GRK5: variants seen among roughly 807,000 people sequenced by gnomAD.
GRK5 encodes the protein g protein-coupled receptor kinase GRK5.
Under a neutral mutation model 78.4 loss-of-function variants are expected in GRK5, and 40 were observed. The ratio of observed to expected loss-of-function variants is 0.51; its 90% CI spans 0.40 to 0.66. The LOEUF is 0.66. Among genes scored for constraint, GRK5 ranks in the 30% least tolerant of loss-of-function variants. The pLI is 0.00. For synonymous variants in GRK5, 289 were observed against 296.8 expected (o/e 0.97, Z 0.27); for missense variants, 598 against 759.9 (o/e 0.79, Z 2.50).
chr10:119,385,831 G>A (rs1317672536), intron 3 of GRK5, among the ~76,000 whole-genome samples: 1 of 152,086 alleles, frequency 6.6e-6, no homozygotes, highest in African/African-American at 2.4e-5. Context: ...TTCAAGCCAG[G>A]CTTCATGAGA....
intron 4 of GRK5, among the ~76,000 whole-genome samples, chr10:119,421,931 G>A (rs1035994868): frequency 2.0e-5 from 3 of 152,224 alleles, no homozygotes; most frequent in East Asian, 1.9e-4. Context: ...CTGCTGCCTC[G>A]GGCGTCCCCT....
rs147211600 is a variant in GRK5 at position 119,287,829 on chromosome 10, C to T, written c.53-38687C>T. ...GTGCAAGGCTGGCACAGTCATCTCCCCCATACCATAGAGGACGCTGAGGCT... is the reference window on the plus strand; with the variant it reads ...GTGCAAGGCTGGCACAGTCATCTCCTCCATACCATAGAGGACGCTGAGGCT... On this transcript the variant is annotated intron_variant, in intron 1 of 15. Transcript: ENST00000392870. 1.8e-4 allele frequency among the ~76,000 whole-genome samples: 27 copies of T among 152,304 alleles called. No individual in the cohort carries two copies. In the East Asian group the frequency reaches 5.2e-3, roughly 29 times the overall value.
chr10:119,322,777 A>T (rs992218666), intron 1 of GRK5, among the ~76,000 whole-genome samples: 3 of 152,204 alleles, frequency 2.0e-5, no homozygotes, highest in Admixed American at 6.5e-5. Flanking sequence ...CATATATACC[A>T]TATAATCCAG....
At chr10:119,350,842 G>A (rs1323526056) in intron 2 of GRK5, among the ~76,000 whole-genome samples, 1 of 152,196 alleles carries the variant, frequency 6.6e-6, no homozygotes, top group Non-Finnish European at 1.5e-5. Flanking sequence ...ACGCAGCACA[G>A]CAGAAGAATT....
At chr10:119,317,347 GGTGT>G (rs3064482) in intron 1 of GRK5, among the ~76,000 whole-genome samples, 29,431 of 141,770 alleles carry the variant, frequency 0.21, 3,142 homozygotes, top group African/African-American at 0.3. Flanking sequence ...TCAGTAGATG[GGTGT>G]GTGTGTGTGT....
chr10:119,401,451 T>C (rs1259058631), intron 4 of GRK5, among the ~76,000 whole-genome samples: 5 of 152,132 alleles, frequency 3.3e-5, no homozygotes, highest in Non-Finnish European at 7.3e-5. Context: ...GTTGGAGAGC[T>C]CACAGAAGGG....
intron 1 of GRK5, among the ~76,000 whole-genome samples, chr10:119,250,484 C>T (rs1024961701): frequency 6.6e-6 from 1 of 151,908 alleles, no homozygotes; most frequent in Admixed American, 6.6e-5. Flanking sequence ...ACCTTGATCT[C>T]CCAGGCTCCA....
Position 119,267,320 on chromosome 10 carries a change from C to T in GRK5, c.53-59196C>T, listed in dbSNP as rs544288511. Among the ~76,000 whole-genome samples the T allele has an allele frequency of 1.3e-5, 2 of 152,290 alleles. No individual in the cohort carries two copies. The highest frequency in any genetic ancestry group is 1.9e-4 in the East Asian group (1 of 5,170). On this transcript the variant is annotated intron_variant, in intron 1 of 15. Transcript: ENST00000392870. This position sits in a 1 kb window ranked among gnomAD's most constrained non-coding sequence, Gnocchi z 4.1. Reference sequence around the variant, plus strand: ...CTGGTCTCAAACTCCCTGCTTTAAGCGATCTTCCCACCTTGGCCTCCCAAA... The same window carrying T: ...CTGGTCTCAAACTCCCTGCTTTAAGTGATCTTCCCACCTTGGCCTCCCAAA...
At chr10:119,281,267 A>G (rs1439257570) in intron 1 of GRK5, among the ~76,000 whole-genome samples, 1 of 151,774 alleles carries the variant, frequency 6.6e-6, no homozygotes, top group Non-Finnish European at 1.5e-5. Flanking sequence ...GACTCTGCAC[A>G]TGCTGCCTTC....
At chr10:119,367,959 C>T (rs1321113003) in intron 2 of GRK5, among the ~76,000 whole-genome samples, 5 of 152,256 alleles carry the variant, frequency 3.3e-5, no homozygotes, top group Non-Finnish European at 7.3e-5. Context: ...AAGCCAGGCG[C>T]CTCGGCAGGG....
chr10:119,376,628 G>A (rs1315033843), intron 2 of GRK5, among the ~76,000 whole-genome samples: 8 of 141,308 alleles, frequency 5.7e-5, no homozygotes, highest in African/African-American at 1.3e-4. Context: ...ACAATGGCAC[G>A]ATCTTGGCTC....
chr10:119,321,092 G>C (rs907208826), intron 1 of GRK5, among the ~76,000 whole-genome samples: 1 of 152,230 alleles, frequency 6.6e-6, no homozygotes, highest in African/African-American at 2.4e-5. Flanking sequence ...TTGTCTAGAC[G>C]TGGTGCCTTC....
intron 4 of GRK5, among the ~76,000 whole-genome samples, chr10:119,403,776 G>C (rs1399949410): frequency 6.6e-6 from 1 of 152,112 alleles, no homozygotes; most frequent in Non-Finnish European, 1.5e-5. Flanking sequence ...TGGGATTACA[G>C]ATGCCCATCA....
intron 1 of GRK5, among the ~76,000 whole-genome samples, chr10:119,226,628 T>C (rs1294445637): frequency 6.6e-6 from 1 of 151,144 alleles, no homozygotes; most frequent in African/African-American, 2.4e-5. Flanking sequence ...CACTGCAATC[T>C]CTGCCTCCTG....
At chr10:119,324,645 A>G (rs1850643871) in intron 1 of GRK5, among the ~76,000 whole-genome samples, 1 of 152,194 alleles carries the variant, frequency 6.6e-6, no homozygotes, top group Non-Finnish European at 1.5e-5. Context: ...AAGAAAAAAA[A>G]AAGTTCCTGC....
At chr10:119,382,624 C>T (rs567196881) in intron 3 of GRK5, among the ~76,000 whole-genome samples, 1 of 152,200 alleles carries the variant, frequency 6.6e-6, no homozygotes, top group Non-Finnish European at 1.5e-5. Flanking sequence ...CATTATGTAT[C>T]TCTGAATAAG....
intron 2 of GRK5, among the ~76,000 whole-genome samples, chr10:119,375,851 C>T (rs955692139): frequency 3.3e-5 from 5 of 152,224 alleles, no homozygotes; most frequent in Admixed American, 6.5e-5. Context: ...GGATCCCAGC[C>T]GCAGGAGCTG....
At chr10:119,447,843 G>A (rs1853187046) in intron 12 of GRK5, among the ~76,000 whole-genome samples, 2 of 152,154 alleles carry the variant, frequency 1.3e-5, no homozygotes, top group Admixed American at 6.5e-5. Flanking sequence ...ACAGTGACTC[G>A]ACACCCATTA....
chr10:119,409,639 G>A (rs1382908846), intron 4 of GRK5, among the ~76,000 whole-genome samples: 1 of 152,314 alleles, frequency 6.6e-6, no homozygotes, highest in East Asian at 1.9e-4. Flanking sequence ...CTTGGGCAGA[G>A]AAGTGGCATC....
Sources: allele counts gnomAD v4.1 joint callset (sites outside exome capture counted in the v4.1 genomes callset), GRCh38; gene constraint gnomAD v4.1.1; non-coding constraint Gnocchi (gnomAD v3.1); transcripts MANE v1.5; gene names NCBI Gene and HGNC (gene_info 2026-07-23, HGNC 2026-07-21).